BCAS1: variants seen among roughly 807,000 people sequenced by gnomAD.
The protein encoded by BCAS1 is breast carcinoma-amplified sequence 1.
A neutral mutation model predicts 65.4 loss-of-function variants in BCAS1; 46 were observed. That is an observed-to-expected ratio of 0.70 (90% confidence interval 0.55 to 0.90). The LOEUF (loss-of-function observed/expected upper bound fraction) is 0.90, where lower values mean the gene tolerates loss of function less well. BCAS1 is among the 40% of genes least tolerant of loss of function. The probability of loss-of-function intolerance (pLI) is 0.00; values close to 1 mark genes in which losing one functional copy is unlikely to be tolerated. For missense variants in BCAS1, 793 were observed against 771.2 expected, an observed-to-expected ratio of 1.03 and a Z score of -0.33; for synonymous variants, 298 against 293.5, an observed-to-expected ratio of 1.02 and a Z score of -0.16.
intron 3 of BCAS1, among the ~76,000 whole-genome samples, chr20:54,035,614 A>G (rs1756788745): frequency 1.3e-5 from 2 of 151,160 alleles, no homozygotes; most frequent in Admixed American, 6.6e-5. Context: ...GTGGGAGTGT[A>G]AATTAGTTCA....
At chr20:53,980,010 T>C (rs904437630) in intron 8 of BCAS1, among the ~76,000 whole-genome samples, 1 of 152,166 alleles carries the variant, frequency 6.6e-6, no homozygotes, top group African/African-American at 2.4e-5. Context: ...ACAGACATTT[T>C]TAACACTGCT....
rs1018213478 is a variant in BCAS1 at position 53,945,942 on chromosome 20, T to A, written c.1816-946A>T. 1.4e-4 allele frequency among the ~76,000 whole-genome samples: 22 copies of A among 152,158 alleles called. 1 individual carries two copies. The highest frequency in any genetic ancestry group is 1.0e-3 in the South Asian group (5 of 4,814). ...GCACACCACCAAACTCAGCTAATTT[T>A]AAAATTTTTTTTGTAGAGACGGGGT... On this transcript the variant is annotated intron_variant, in intron 12 of 12. Coordinates refer to ENST00000688948, the MANE Select transcript of BCAS1 (RefSeq NM_001366298.2).
At chr20:53,992,963 C>A (rs185263338) in intron 6 of BCAS1, among the ~76,000 whole-genome samples, 5 of 152,250 alleles carry the variant, frequency 3.3e-5, no homozygotes, top group South Asian at 2.1e-4. Flanking sequence ...AATGCAGTCT[C>A]TACTTGATAG....
chr20:54,040,221 T>C (rs958487443), intron 3 of BCAS1, among the ~76,000 whole-genome samples: 8 of 151,426 alleles, frequency 5.3e-5, no homozygotes, highest in East Asian at 3.8e-4. Context: ...TCAATATGCA[T>C]TTAGTTTTGA....
intron 3 of BCAS1, among the ~76,000 whole-genome samples, chr20:54,052,348 C>A (rs1457850575): frequency 6.6e-6 from 1 of 152,138 alleles, no homozygotes; most frequent in African/African-American, 2.4e-5. Context: ...TAAGTGGAAT[C>A]ATGTAGTATG....
At chr20:54,046,398 G>A (rs769909564) in intron 3 of BCAS1, among the ~76,000 whole-genome samples, 6 of 151,848 alleles carry the variant, frequency 4.0e-5, no homozygotes, top group Admixed American at 6.6e-5. Context: ...GTGTGGTGGC[G>A]GGCACCTGTA....
chr20:53,973,713 C>A (rs576435322), intron 9 of BCAS1, among the ~76,000 whole-genome samples: 2 of 152,126 alleles, frequency 1.3e-5, no homozygotes, highest in East Asian at 3.9e-4. Flanking sequence ...GAAACTTTGA[C>A]TTTCTATAAA....
intron 3 of BCAS1, among the ~76,000 whole-genome samples, chr20:54,050,373 G>A (rs1177393157): frequency 2.0e-5 from 3 of 152,164 alleles, no homozygotes; most frequent in Admixed American, 6.5e-5. Flanking sequence ...GAAGGGCACC[G>A]TGCCTTGTGC....
chr20:53,966,938 T>C lies in BCAS1; in HGVS notation c.1453A>G (p.Arg485Gly), dbSNP rs768624728. 4 of 1,612,828 alleles carry C rather than the reference T, an allele frequency of 2.5e-6. No individual in the cohort carries two copies. The highest frequency in any genetic ancestry group is 1.3e-5 in the African/African-American group (1 of 74,930). ...CTGAGAAACGCCATCAGAGAGGTTC[T>C]TGGTTTGCTTTCTTCTCTTTTGAGT... ...AKLKREESKP[R>G]TSLMAFLRQM... The change falls in exon 10 of 13, where the codon AGA becomes GGA. Residue 485 changes from arginine (R) to glycine (G), a missense_variant. Transcript: ENST00000688948.
intron 1 of BCAS1, among the ~76,000 whole-genome samples, chr20:54,060,951 T>C (rs937073765): frequency 2.6e-5 from 4 of 152,192 alleles, no homozygotes; most frequent in African/African-American, 4.8e-5. Context: ...CCTAGGTACA[T>C]GACCACATCA....
chr20:54,068,022 C>G (rs2146391604), intron 1 of BCAS1, among the ~76,000 whole-genome samples: 1 of 152,322 alleles, frequency 6.6e-6, no homozygotes, highest in East Asian at 1.9e-4. Context: ...TGTGTGCCCG[C>G]ACAGTGCTAG....
chr20:54,061,780 A>T (rs1188644714), intron 1 of BCAS1, among the ~76,000 whole-genome samples: 2 of 152,210 alleles, frequency 1.3e-5, no homozygotes, highest in African/African-American at 4.8e-5. Context: ...TTTTCTATTT[A>T]TAAAATCCGT....
intron 3 of BCAS1, among the ~76,000 whole-genome samples, chr20:54,041,876 G>T (rs1409347603): frequency 2.1e-5 from 2 of 93,734 alleles, no homozygotes; most frequent in African/African-American, 7.7e-5. Context: ...TCTAACCTGG[G>T]CAACAGAGTT....
chr20:53,978,161 A>G (rs2090384024), intron 8 of BCAS1, among the ~76,000 whole-genome samples: 1 of 151,130 alleles, frequency 6.6e-6, no homozygotes, highest in Non-Finnish European at 1.5e-5. Context: ...GTGGAATACT[A>G]TGCAGCCATA....
At chr20:53,985,228 A>G in intron 8 of BCAS1, 59 bp downstream of exon 8, 2 of 1,509,952 alleles carry the variant, frequency 1.3e-6, no homozygotes, top group Non-Finnish European at 9.2e-7. Context: ...CCCAATAGAA[A>G]TAAGTTCTGG....
intron 3 of BCAS1, among the ~76,000 whole-genome samples, chr20:54,052,259 T>C (rs1027364769): frequency 1.3e-5 from 2 of 152,156 alleles, no homozygotes; most frequent in African/African-American, 4.8e-5. Context: ...CTGCAGTGAG[T>C]GTCTCAACCA....
At chr20:54,044,831 C>G (rs2092068607) in intron 3 of BCAS1, among the ~76,000 whole-genome samples, 1 of 128,654 alleles carries the variant, frequency 7.8e-6, no homozygotes, top group African/African-American at 2.9e-5. Flanking sequence ...GAAGGAGACT[C>G]TGTCTCAAAA....
intron 11 of BCAS1, among the ~76,000 whole-genome samples, chr20:53,955,567 T>C (rs377162103): frequency 2.6e-5 from 4 of 152,226 alleles, no homozygotes; most frequent in African/African-American, 9.6e-5. Flanking sequence ...CAGAAGGACC[T>C]GGTTTGTTTC....
intron 12 of BCAS1, among the ~76,000 whole-genome samples, chr20:53,945,279 G>A (rs1168551634): frequency 6.6e-6 from 1 of 152,126 alleles, no homozygotes; most frequent in African/African-American, 2.4e-5. Context: ...ATCTCAGAGG[G>A]TTGTTCCCAA....
Sources: gnomAD v4.1 joint callset for allele counts (sites outside exome capture counted in the v4.1 genomes callset) on GRCh38, gnomAD v4.1.1 for gene constraint, MANE v1.5 for transcripts, NCBI Gene and HGNC (gene_info 2026-07-23, HGNC 2026-07-21) for gene names.